Variants in PRRC2B observed in about 807,000 individuals in gnomAD.
The protein encoded by PRRC2B is proline rich coiled-coil 2B.
In PRRC2B, 68 loss-of-function variants were observed where a neutral mutation model predicts 242.3. The ratio of observed to expected loss-of-function variants is 0.28; its 90% confidence interval spans 0.23 to 0.34. The LOEUF (loss-of-function observed/expected upper bound fraction) is 0.34, where lower values mean the gene tolerates loss of function less well. Ranked by LOEUF, PRRC2B falls within the 10% of genes least tolerant of loss-of-function variation. The probability of loss-of-function intolerance (pLI) is 1.00; values close to 1 mark genes in which losing one functional copy is unlikely to be tolerated. For synonymous variants in PRRC2B, 1,228 were observed against 1,173.6 expected (o/e 1.05, Z -0.95); for missense variants, 2,835 against 2,954.8 (o/e 0.96, Z 0.94).
intron 16 of PRRC2B, among the ~76,000 whole-genome samples, chr9:131,477,492 A>G (rs1476395057): frequency 1.1e-4 from 16 of 152,132 alleles, no homozygotes; most frequent in Non-Finnish European, 4.4e-5. Context: ...CACTCTGAAC[A>G]TAGCATGTGG....
At chr9:131,432,490 C>G (rs1838210968) in intron 2 of PRRC2B, 127 bp from the exon 3 acceptor site, 4 of 864,494 alleles carry the variant, frequency 4.6e-6, no homozygotes, top group Non-Finnish European at 7.1e-6. Flanking sequence ...CTGGTCTGCC[C>G]TTTGTTTTTT....
chr9:131,481,717 C>G lies in PRRC2B; in HGVS notation c.4901-9C>G. On this transcript the variant is annotated splice_polypyrimidine_tract_variant and intron_variant, in intron 19 of 31. Coordinates refer to ENST00000683519, the MANE Select transcript of PRRC2B (RefSeq NM_013318.4). ...TTGATGCCCTGACTCTGTCTTCCTC[C>G]CCTGGCAGCTCTCCCTGTGCAGGCC... 1 of 1,557,318 alleles carries G rather than the reference C, an allele frequency of 6.4e-7. No homozygotes were observed. Among genetic ancestry groups the G allele is most frequent in the East Asian group, 2.4e-5 (1 of 41,372 alleles).
Position 131,377,026 on chromosome 9 carries a change from A to G in PRRC2B, c.-56+3295A>G, listed in dbSNP as rs533997957. Among the ~76,000 whole-genome samples the G allele has an allele frequency of 2.0e-5, 3 of 152,278 alleles. No individual in the cohort carries two copies. The East Asian group carries it at 5.8e-4, about 29-fold the overall frequency. On this transcript the variant is annotated intron_variant, in intron 1 of 1. Coordinates refer to the PRRC2B transcript ENST00000682525. Reference sequence around the variant, plus strand: ...GGTCCGTTGAAAAAATAAATAAAAAAAGTTTGTTGTGATGCACCACTCAAA... The same window carrying G: ...GGTCCGTTGAAAAAATAAATAAAAAGAGTTTGTTGTGATGCACCACTCAAA...
At chr9:131,469,087 C>A (rs1012442511) in intron 13 of PRRC2B, among the ~76,000 whole-genome samples, 5 of 152,152 alleles carry the variant, frequency 3.3e-5, no homozygotes, top group Admixed American at 2.0e-4. Flanking sequence ...CGCCTGTAAT[C>A]CCAGCACTTT....
chr9:131,490,564 C>T (rs1170440248), intron 28 of PRRC2B: 1 of 519,136 alleles, frequency 1.9e-6, no homozygotes, highest in Admixed American at 1.9e-5. Context: ...AGGACAGTGA[C>T]TGAGAGACCA....
intron 16 of PRRC2B, among the ~76,000 whole-genome samples, chr9:131,477,357 A>T (rs1308017802): frequency 6.6e-6 from 1 of 152,238 alleles, no homozygotes; most frequent in African/African-American, 2.4e-5. Flanking sequence ...CAGGCGCCAG[A>T]GGCTGACCCT....
Position 131,465,355 on chromosome 9 carries a change from A to C in PRRC2B, c.1720+277A>C, listed in dbSNP as rs143385958. On this transcript the variant is annotated intron_variant, in intron 12 of 31. Coordinates refer to ENST00000683519, the MANE Select transcript of PRRC2B (RefSeq NM_013318.4). ...GTATGAATGATCCTATCACCCAGGTACTGAGCATAGTACCCAACAGGTAGT... is the reference window on the plus strand; with the variant it reads ...GTATGAATGATCCTATCACCCAGGTCCTGAGCATAGTACCCAACAGGTAGT... Among the ~76,000 whole-genome samples, 461 of 152,300 alleles carry C rather than the reference A, an allele frequency of 3.0e-3. 2 individuals carry two copies. Among genetic ancestry groups the C allele is most frequent in the African/African-American group, 0.011 (440 of 41,554 alleles).
chr9:131,420,510 TG>T (rs1475895004), intron 1 of PRRC2B, among the ~76,000 whole-genome samples: 4 of 129,230 alleles, frequency 3.1e-5, no homozygotes, highest in African/African-American at 1.2e-4. Context: ...TTTTTTTTTT[TG>T]AGATGGAGGC....
chr9:131,421,851 C>T (rs2131311524), intron 1 of PRRC2B, among the ~76,000 whole-genome samples: 1 of 152,304 alleles, frequency 6.6e-6, no homozygotes, highest in East Asian at 1.9e-4. Flanking sequence ...GCTGTTGAGC[C>T]TGGGCTGACT....
intron 16 of PRRC2B, 139 bp from the exon 17 acceptor site, chr9:131,477,605 C>T (rs890352038): frequency 1.6e-6 from 1 of 612,490 alleles, no homozygotes; most frequent in Non-Finnish European, 2.9e-6. Context: ...GGCCAGCCTG[C>T]CGCTCCTCCC....
Position 131,494,955 on chromosome 9 carries a change from ATTCTC to A in PRRC2B, c.6555+476_6555+480del, listed in dbSNP as rs1564304641. ...CGCAGTGTCTTTTCCTGCACGCACTATTCTCTTCTCTATTCTCTAAAACGTGCTGG... is the reference window on the plus strand; with the variant it reads ...CGCAGTGTCTTTTCCTGCACGCACTATTCTCTATTCTCTAAAACGTGCTGG... On this transcript the variant is annotated intron_variant, in intron 31 of 31. Coordinates refer to ENST00000683519, the MANE Select transcript of PRRC2B (RefSeq NM_013318.4). The surrounding 1 kb of genome is among the most constrained non-coding windows in gnomAD (Gnocchi z 4.3). Among the ~76,000 whole-genome samples the A allele has an allele frequency of 6.6e-6, 1 of 152,084 alleles. No homozygotes were observed. The highest frequency in any genetic ancestry group is 2.1e-4 in the South Asian group (1 of 4,818).
intron 1 of PRRC2B, among the ~76,000 whole-genome samples, chr9:131,375,880 C>G (rs1023417864): frequency 6.6e-6 from 1 of 151,916 alleles, no homozygotes. Flanking sequence ...GAAACCCTGT[C>G]TCTACTAAAA....
intron 1 of PRRC2B, among the ~76,000 whole-genome samples, chr9:131,395,076 C>T (rs779769985): frequency 1.3e-4 from 20 of 151,296 alleles, no homozygotes; most frequent in Non-Finnish European, 2.8e-4. Context: ...GATTTTTTTC[C>T]TTTTTCTTTT....
intron 1 of PRRC2B, among the ~76,000 whole-genome samples, chr9:131,409,901 T>C (rs1263897936): frequency 6.6e-6 from 1 of 152,216 alleles, no homozygotes; most frequent in East Asian, 1.9e-4. Flanking sequence ...ATAAAGAACA[T>C]AGATTTTGGT....
chr9:131,421,142 A>G (rs1564278880), intron 1 of PRRC2B, among the ~76,000 whole-genome samples: 1 of 152,184 alleles, frequency 6.6e-6, no homozygotes, highest in Non-Finnish European at 1.5e-5. Flanking sequence ...AAAGCTGAGT[A>G]CATTTACTGT....
intron 1 of PRRC2B, among the ~76,000 whole-genome samples, chr9:131,424,946 G>A (rs1588243591): frequency 6.6e-6 from 1 of 152,218 alleles, no homozygotes. Context: ...TAAATTTCTA[G>A]GAGAGTGTCT....
rs762253531 is a variant in PRRC2B at position 131,436,671 on chromosome 9, G to A, written c.345G>A (p.Leu115=). Reference sequence around the variant, plus strand: ...CGGAGTCGCTGCCGCAGCCGGGTTTGCAGAAATCTGTCTCCAATTTGCAGA... The same window carrying A: ...CGGAGTCGCTGCCGCAGCCGGGTTTACAGAAATCTGTCTCCAATTTGCAGA... ...QPPESLPQPG[L]QKSVSNLQKP... Residue 115 remains leucine, a synonymous_variant, in exon 4 of 32, where the codon TTG becomes TTA. Transcript: ENST00000683519. 1.9e-6 allele frequency: 3 copies of A among 1,614,034 alleles called. No homozygotes were observed. Among genetic ancestry groups the A allele is most frequent in the Non-Finnish European group, 1.7e-6 (2 of 1,179,894 alleles).
At chr9:131,420,493 C>CTTTCTTTCTTTCTTTTTTTTTT in intron 1 of PRRC2B, among the ~76,000 whole-genome samples, 4 of 30,180 alleles carry the variant, frequency 1.3e-4, no homozygotes, top group African/African-American at 4.3e-4. Flanking sequence ...TTCTTTCTTT[C>CTTTCTTTCTTTCTTTTTTTTTT]TTTTTTTTTT....
At chr9:131,395,092 CCTT>C (rs376401453) in intron 1 of PRRC2B, among the ~76,000 whole-genome samples, 3 of 151,504 alleles carry the variant, frequency 2.0e-5, no homozygotes, top group Admixed American at 6.6e-5. Context: ...CTTTTTTCCT[CCTT>C]CTAAATATCG....
Sources: gnomAD v4.1 joint callset for allele counts (sites outside exome capture counted in the v4.1 genomes callset) on GRCh38, gnomAD v4.1.1 for gene constraint, Gnocchi (gnomAD v3.1) non-coding constraint, MANE v1.5 for transcripts, NCBI Gene and HGNC (gene_info 2026-07-23, HGNC 2026-07-21) for gene names.